ADAMTSL1: variants seen among roughly 807,000 people sequenced by gnomAD.
The protein encoded by ADAMTSL1 is ADAMTS-like protein 1.
ADAMTSL1 carries 126 observed loss-of-function variants against 201.8 expected under a neutral mutation model. The ratio of observed to expected loss-of-function variants is 0.62; its 90% CI spans 0.54 to 0.72. The LOEUF is 0.72. Ranked by LOEUF, ADAMTSL1 falls within the 30% of genes least tolerant of loss-of-function variation. ADAMTSL1 has a pLI of 0.00. For synonymous variants in ADAMTSL1, 1,121 were observed against 903.4 expected (o/e 1.24, Z -4.32); for missense variants, 2,679 against 2,277.8 (o/e 1.18, Z -3.59).
intron 17 of ADAMTSL1, 24 bp from the exon 18 acceptor site, chr9:18,775,719 A>G (rs779895717): frequency 6.2e-7 from 1 of 1,609,544 alleles, no homozygotes; most frequent in Non-Finnish European, 8.5e-7. Context: ...ATTTATGTGC[A>G]TTTGGCCTTT....
intron 4 of ADAMTSL1, among the ~76,000 whole-genome samples, chr9:18,597,475 A>T (rs1824343961): frequency 6.6e-6 from 1 of 152,242 alleles, no homozygotes; most frequent in Admixed American, 6.5e-5. Flanking sequence ...AACTTGAAGT[A>T]CAAGGTTTAA....
chr9:18,608,003 A>G (rs1388340508), intron 4 of ADAMTSL1, among the ~76,000 whole-genome samples: 1 of 152,126 alleles, frequency 6.6e-6, no homozygotes, highest in East Asian at 1.9e-4. Context: ...ACTTATTGCA[A>G]ATTACATGCT....
chr9:18,056,635 C>T (rs1421891381), intron 1 of ADAMTSL1, among the ~76,000 whole-genome samples: 1 of 152,166 alleles, frequency 6.6e-6, no homozygotes, highest in East Asian at 1.9e-4. Flanking sequence ...TTGAAAACTA[C>T]AAATCTCAAC....
chr9:18,195,155 G>A (rs748265360), intron 2 of ADAMTSL1, among the ~76,000 whole-genome samples: 6 of 152,046 alleles, frequency 3.9e-5, no homozygotes, highest in Admixed American at 6.6e-5. Context: ...TGAGGAATGA[G>A]GGGTCACAGC....
chr9:18,886,483 C>A (rs1033554359), intron 23 of ADAMTSL1, among the ~76,000 whole-genome samples: 1 of 152,032 alleles, frequency 6.6e-6, no homozygotes, highest in Non-Finnish European at 1.5e-5. Flanking sequence ...TCCAGTCAGG[C>A]TGATATAACA....
chr9:18,778,528 A>G (rs955105369), intron 19 of ADAMTSL1, among the ~76,000 whole-genome samples: 2 of 152,252 alleles, frequency 1.3e-5, no homozygotes, highest in Non-Finnish European at 2.9e-5. Context: ...TCTCTGGGTC[A>G]TAGCCATTCA....
chr9:18,810,062 C>T (rs1197079206), intron 20 of ADAMTSL1, among the ~76,000 whole-genome samples: 2 of 152,130 alleles, frequency 1.3e-5, no homozygotes, highest in Admixed American at 6.5e-5. Context: ...AGCTGGGTAG[C>T]TCTAACTCTG....
At chr9:18,673,157 G>A (rs1193190847) in intron 9 of ADAMTSL1, among the ~76,000 whole-genome samples, 1 of 151,840 alleles carries the variant, frequency 6.6e-6, no homozygotes. Context: ...CCCACATCGA[G>A]ACCTAAACAT....
At chr9:18,312,088 T>C (rs1035383828) in intron 2 of ADAMTSL1, among the ~76,000 whole-genome samples, 17 of 152,126 alleles carry the variant, frequency 1.1e-4, no homozygotes, top group Admixed American at 1.1e-3. Flanking sequence ...CAATGACAAA[T>C]AGTTTAGTAT....
rs376520414 is a variant in ADAMTSL1, at chr9:18,671,796, A to G, written c.1086-4061A>G. Among the ~76,000 whole-genome samples, 14 of 152,244 alleles carry G rather than the reference A, an allele frequency of 9.2e-5. 1 individual carries two copies. Among genetic ancestry groups the G allele is most frequent in the Admixed American group, 6.5e-4 (10 of 15,284 alleles). ...CCGGGTGTGGTGGCTCATGCCTGTG[A>G]GGAGGCCAAGGTGGGCAGATCACGA... On this transcript the variant is annotated intron_variant, in intron 9 of 28. Transcript: ENST00000380548.
At position 18,649,501 on chromosome 9, in the gene ADAMTSL1, C is replaced by G. The variant is rs1036240847; in HGVS notation, c.835-8138C>G. Among the ~76,000 whole-genome samples the G allele has an allele frequency of 5.3e-5, 8 of 152,018 alleles. No homozygotes were observed. The East Asian group carries it at 1.6e-3, about 29-fold the overall frequency. ...GTTTCCAGTTTTTCTGCTCTGTTTT[C>G]TCCCCATCTTTGTGGTTTTATCTAC... On this transcript the variant is annotated intron_variant, in intron 7 of 28. Transcript: ENST00000380548.
chr9:18,618,807 CT>C (rs1825856695), intron 4 of ADAMTSL1, among the ~76,000 whole-genome samples: 1 of 152,132 alleles, frequency 6.6e-6, no homozygotes, highest in South Asian at 2.1e-4. Flanking sequence ...CTCACTTCTA[CT>C]TTTATTTCAG....
intron 23 of ADAMTSL1, among the ~76,000 whole-genome samples, chr9:18,832,230 T>C (rs1281002295): frequency 6.6e-6 from 1 of 152,180 alleles, no homozygotes; most frequent in Admixed American, 6.5e-5. Context: ...TAGTACCTCA[T>C]CCTGGTCTTA....
At position 18,706,892 on chromosome 9, in the gene ADAMTSL1, T is replaced by A; in HGVS notation, c.1720T>A (p.Ser574Thr). 3.1e-6 allele frequency: 5 copies of A among 1,613,948 alleles called. No homozygotes were observed. The highest frequency in any genetic ancestry group is 4.2e-6 in the Non-Finnish European group (5 of 1,179,870). ...CGAGTGTGAAGGGCCCAAGCCAGCA[T>A]CCCAGCGTGCCTGTTATGCAGGCCC... ...IDECEGPKPASQRACYAGPCS... is the reference protein window; with the variant it reads ...IDECEGPKPATQRACYAGPCS... Residue 574 changes from serine to threonine, a missense_variant, in exon 14 of 29, where the codon TCC becomes ACC. By Grantham distance (58) the Ser-to-Thr change is moderately conservative (BLOSUM62 1). Coordinates refer to ENST00000380548, the MANE Select transcript of ADAMTSL1 (RefSeq NM_001040272.6).
intron 3 of ADAMTSL1, among the ~76,000 whole-genome samples, chr9:18,556,009 A>G (rs1433624559): frequency 6.6e-6 from 1 of 150,790 alleles, no homozygotes; most frequent in Non-Finnish European, 1.5e-5. Flanking sequence ...AAAAATACAT[A>G]TAAAAAAAGA....
chr9:18,689,598 G>A (rs1438208117), intron 13 of ADAMTSL1, among the ~76,000 whole-genome samples: 2 of 152,158 alleles, frequency 1.3e-5, no homozygotes, highest in Non-Finnish European at 2.9e-5. Flanking sequence ...CCAAAACAAG[G>A]CATCCCAGGT....
chr9:18,121,979 A>G lies in ADAMTSL1; in HGVS notation c.88-41883A>G, dbSNP rs189093057. Among the ~76,000 whole-genome samples, 169 of 152,316 alleles carry G rather than the reference A, an allele frequency of 1.1e-3. 1 individual carries two copies. Among genetic ancestry groups the G allele is most frequent in the African/African-American group, 3.9e-3 (164 of 41,590 alleles). On this transcript the variant is annotated intron_variant, in intron 1 of 29. Coordinates refer to the ADAMTSL1 transcript ENST00000680146. The stretch of plus-strand genomic sequence containing the variant: ...CTTACTTTCTGTCTCTGAACCAGAC[A>G]TAAAAGGCCATATATCAGATTATTC...
chr9:18,669,867 G>C (rs1407116423), intron 9 of ADAMTSL1, among the ~76,000 whole-genome samples: 1 of 152,104 alleles, frequency 6.6e-6, no homozygotes, highest in Non-Finnish European at 1.5e-5. Context: ...CTTGATGTAA[G>C]GTATTCAAGG....
At chr9:18,905,668 G>C in intron 26 of ADAMTSL1, 114 bp from the exon 27 acceptor site, 1 of 740,030 alleles carries the variant, frequency 1.4e-6, no homozygotes, top group Admixed American at 2.1e-5. Flanking sequence ...TGAATGGTCT[G>C]AGAGCCTCCA....
Sources: gnomAD v4.1 joint callset for allele counts (sites outside exome capture counted in the v4.1 genomes callset) on GRCh38, gnomAD v4.1.1 for gene constraint, MANE v1.5 for transcripts, NCBI Gene and HGNC (gene_info 2026-07-23, HGNC 2026-07-21) for gene names.